ZDHHC3: variants seen among roughly 807,000 people sequenced by gnomAD.
The protein encoded by ZDHHC3 is palmitoyltransferase ZDHHC3.
In ZDHHC3, 9 loss-of-function variants were observed where a neutral mutation model predicts 30.6. The ratio of observed to expected loss-of-function variants is 0.29; its 90% CI spans 0.18 to 0.51. The LOEUF is 0.51. Ranked by LOEUF, ZDHHC3 falls within the 20% of genes least tolerant of loss-of-function variation. The pLI is 0.97. For missense variants in ZDHHC3, 246 were observed against 384.2 expected (o/e 0.64, Z 3.01); for synonymous variants, 136 against 140.2 (o/e 0.97, Z 0.21).
chr3:44,939,482 C>G (rs1156445385), intron 3 of ZDHHC3, among the ~76,000 whole-genome samples: 1 of 152,226 alleles, frequency 6.6e-6, no homozygotes, highest in Non-Finnish European at 1.5e-5. Context: ...AGACCAGCAC[C>G]TCTGGGTTTC....
In ZDHHC3 at chr3:44,926,389, C is replaced by T. The variant is rs916343287; in HGVS notation, c.*300G>A. 6.3e-6 allele frequency: 7 copies of T among 1,106,892 alleles called. No homozygotes were observed. The highest frequency in any genetic ancestry group is 7.7e-6 in the Non-Finnish European group (7 of 908,516). The allele number at this position is 1,106,892 out of a possible 1,614,324, so 68.6% of individuals were successfully genotyped here. A position where few individuals can be genotyped will look rare whatever the true frequency, so the allele number is the denominator to read the frequency against. ...GTAGAATGGGCACAGCGCGAGACAG[C>T]GCCCTCTACATTAGTCATGCCAGAC... On this transcript the variant is annotated 3_prime_UTR_variant, in exon 7 of 7. Coordinates refer to ENST00000424952, the MANE Select transcript of ZDHHC3 (RefSeq NM_001135179.2).
intron 1 of ZDHHC3, among the ~76,000 whole-genome samples, 157 bp downstream of exon 1, chr3:44,975,768 TCTCTCACA>T (rs1343928236): frequency 5.0e-4 from 71 of 140,868 alleles, no homozygotes; most frequent in East Asian, 4.1e-3. Flanking sequence ...TCTCTCTCTC[TCTCTCACA>T]CACACACACA....
intron 6 of ZDHHC3, 120 bp from the exon 7 acceptor site, chr3:44,926,967 T>C: frequency 1.5e-6 from 2 of 1,330,990 alleles, no homozygotes; most frequent in Non-Finnish European, 9.9e-7. Flanking sequence ...AACAAAGCTA[T>C]CTACCTAATA....
rs192181516 is a variant in ZDHHC3, at chr3:44,935,388, G to C, written c.432-1404C>G. On this transcript the variant is annotated intron_variant, in intron 3 of 6. Coordinates refer to ENST00000424952, the MANE Select transcript of ZDHHC3 (RefSeq NM_001135179.2). ...GGGTTCCAGCAATCCTTCCACCTCA[G>C]CCTCCCGAACAGCTGGGACCACAGG... Among the ~76,000 whole-genome samples, 485 of 152,228 alleles carry C rather than the reference G, an allele frequency of 3.2e-3. 1 individual carries two copies. The highest frequency in any genetic ancestry group is 4.4e-3 in the Admixed American group (68 of 15,286).
chr3:44,921,977 T>G lies in ZDHHC3; in HGVS notation c.*4712A>C. On this transcript the variant is annotated 3_prime_UTR_variant, in exon 7 of 7. Transcript: ENST00000424952. ...TTGGATCAGCTTCATCGGCTCCTCC[T>G]GTGGGCCCAACAGAGCGGGATCCCT... 2 of 985,428 alleles carry G rather than the reference T, an allele frequency of 2.0e-6. No homozygotes were observed. The highest frequency in any genetic ancestry group is 2.4e-6 in the Non-Finnish European group (2 of 829,914). The allele number at this position is 985,428 out of a possible 1,614,324, so 61.0% of individuals were successfully genotyped here. A position where few individuals can be genotyped will look rare whatever the true frequency, so the allele number is the denominator to read the frequency against.
In ZDHHC3 at chr3:44,923,262, G is replaced by C; in HGVS notation, c.*3427C>G. 1 of 883,948 alleles carries C rather than the reference G, an allele frequency of 1.1e-6. No individual in the cohort carries two copies. Among genetic ancestry groups the C allele is most frequent in the African/African-American group, 1.8e-5 (1 of 55,094 alleles). The allele number at this position is 883,948 out of a possible 1,614,324, so 54.8% of individuals were successfully genotyped here. On this transcript the variant is annotated 3_prime_UTR_variant, in exon 7 of 7. Coordinates refer to ENST00000424952, the MANE Select transcript of ZDHHC3 (RefSeq NM_001135179.2). The stretch of plus-strand genomic sequence containing the variant: ...AGCTAATTTTTTTATATTTTTAGTA[G>C]AGACAGGGTTTCACCGTGTTAGCCA...
chr3:44,936,479 A>G (rs574813726), intron 3 of ZDHHC3, among the ~76,000 whole-genome samples: 1 of 152,352 alleles, frequency 6.6e-6, no homozygotes, highest in South Asian at 2.1e-4. Context: ...CAGAACGACC[A>G]TTCAACCCAG....
chr3:44,931,403 C>T (rs1471048863), intron 5 of ZDHHC3, among the ~76,000 whole-genome samples: 1 of 152,136 alleles, frequency 6.6e-6, no homozygotes, highest in East Asian at 1.9e-4. Flanking sequence ...CCAGGAATTA[C>T]CAATGGAGTT....
Position 44,920,205 on chromosome 3 carries a change from A to G in ZDHHC3, c.*6484T>C, listed in dbSNP as rs1700494770. On this transcript the variant is annotated 3_prime_UTR_variant, in exon 7 of 7. Coordinates refer to ENST00000424952, the MANE Select transcript of ZDHHC3 (RefSeq NM_001135179.2). The stretch of plus-strand genomic sequence containing the variant: ...GTCTAAAGGGACCTTCATGTGGGTC[A>G]TGAGCATGTGATGCCATGCTGCTTC... 1 of 1,289,974 alleles carries G rather than the reference A, an allele frequency of 7.8e-7. No homozygotes were observed. The highest frequency in any genetic ancestry group is 2.1e-4 in the Middle Eastern group (1 of 4,698). 79.9% of individuals were successfully genotyped at this position (1,289,974 alleles called of 1,614,324 possible).
At position 44,922,832 on chromosome 3, in the gene ZDHHC3, C is replaced by T; in HGVS notation, c.*3857G>A. 7 of 985,300 alleles carry T rather than the reference C, an allele frequency of 7.1e-6. No individual in the cohort carries two copies. Among genetic ancestry groups the T allele is most frequent in the Non-Finnish European group, 8.4e-6 (7 of 829,908 alleles). The allele number at this position is 985,300 out of a possible 1,614,324, so 61.0% of individuals were successfully genotyped here. A position where few individuals can be genotyped will look rare whatever the true frequency, so the allele number is the denominator to read the frequency against. Reference sequence around the variant, plus strand: ...ATGTTGACGTTGCTGGTCTGGCAACCTCAAGAACACCTTTGAGGAGGATTC... The same window carrying T: ...ATGTTGACGTTGCTGGTCTGGCAACTTCAAGAACACCTTTGAGGAGGATTC... On this transcript the variant is annotated 3_prime_UTR_variant, in exon 7 of 7. Coordinates refer to ENST00000424952, the MANE Select transcript of ZDHHC3 (RefSeq NM_001135179.2).
chr3:44,934,125 G>T (rs891650586), intron 3 of ZDHHC3, 141 bp from the exon 4 acceptor site: 4 of 786,468 alleles, frequency 5.1e-6, no homozygotes, highest in Non-Finnish European at 6.5e-6. Flanking sequence ...CTGGGTGTGT[G>T]TCACGTGGGG....
In ZDHHC3 at chr3:44,937,741, TGCCATCCTGTGTGG is replaced by T. The variant is rs1389926433; in HGVS notation, c.432-3771_432-3758del. The T allele has an allele frequency of 4.8e-5, 14 of 288,998 alleles. No homozygotes were observed. The Admixed American group carries it at 5.5e-4, about 11-fold the overall frequency. The allele number at this position is 288,998 out of a possible 1,614,324, so 17.9% of individuals were successfully genotyped here. ...TGAGGAACACCAGGAGTGAAGTCAGTGCCATCCTGTGTGGGCCCCCAAGATTGCACCCGCCGCAT... is the reference window on the plus strand; with the variant it reads ...TGAGGAACACCAGGAGTGAAGTCAGTGCCCCCAAGATTGCACCCGCCGCAT... On this transcript the variant is annotated intron_variant, in intron 3 of 6. Transcript: ENST00000424952.
chr3:44,958,751 C>A, intron 2 of ZDHHC3: 1 of 1,312,402 alleles, frequency 7.6e-7, no homozygotes, highest in South Asian at 1.3e-5. Flanking sequence ...CTGGGAAGCC[C>A]AATCCTGACC....
Position 44,921,679 on chromosome 3 carries a change from C to T in ZDHHC3, c.*5010G>A, listed in dbSNP as rs1206805553. 2.1e-6 allele frequency: 2 copies of T among 970,076 alleles called. No individual in the cohort carries two copies. Among genetic ancestry groups the T allele is most frequent in the African/African-American group, 3.5e-5 (2 of 56,886 alleles). The allele number at this position is 970,076 out of a possible 1,614,324, so 60.1% of individuals were successfully genotyped here. ...CACCCTCATTTAATCCTTCCATTAA[C>T]TTTGTGATTTAGATTATCATTCCCG... On this transcript the variant is annotated 3_prime_UTR_variant, in exon 7 of 7. Coordinates refer to ENST00000424952, the MANE Select transcript of ZDHHC3 (RefSeq NM_001135179.2).
intron 1 of ZDHHC3, among the ~76,000 whole-genome samples, chr3:44,967,598 TC>T (rs749970536): frequency 6.6e-5 from 10 of 152,104 alleles, no homozygotes; most frequent in Non-Finnish European, 1.2e-4. Context: ...ACATTGGAAA[TC>T]CGTAGAAGAC....
chr3:44,925,463 C>G lies in ZDHHC3; in HGVS notation c.*1226G>C. 1 of 985,462 alleles carries G rather than the reference C, an allele frequency of 1.0e-6. No individual in the cohort carries two copies. The highest frequency in any genetic ancestry group is 1.2e-6 in the Non-Finnish European group (1 of 829,942). 61.0% of individuals were successfully genotyped at this position (985,462 alleles called of 1,614,324 possible). On this transcript the variant is annotated 3_prime_UTR_variant, in exon 7 of 7. Transcript: ENST00000424952. ...GGAGGGCACTCCCTACCTCCTTCACCTCTATCCACCATCACCACCTCCTTC... is the reference window on the plus strand; with the variant it reads ...GGAGGGCACTCCCTACCTCCTTCACGTCTATCCACCATCACCACCTCCTTC...
rs1336392618 is a variant in ZDHHC3, at chr3:44,920,304, T to C, written c.*6385A>G. On this transcript the variant is annotated 3_prime_UTR_variant, in exon 7 of 7. Transcript: ENST00000424952. ...CAGCTGAGATGGTTTGCTTTGGGCATTCTGCATTCTCTTCCTGGGTGATCA... is the reference window on the plus strand; with the variant it reads ...CAGCTGAGATGGTTTGCTTTGGGCACTCTGCATTCTCTTCCTGGGTGATCA... 2 of 1,289,808 alleles carry C rather than the reference T, an allele frequency of 1.6e-6. No individual in the cohort carries two copies. The highest frequency in any genetic ancestry group is 2.0e-6 in the Non-Finnish European group (2 of 988,902). The allele number at this position is 1,289,808 out of a possible 1,614,324, so 79.9% of individuals were successfully genotyped here.
chr3:44,964,270 T>C lies in ZDHHC3; in HGVS notation c.-24-4810A>G, dbSNP rs151267533. ...CCCCAACAACCATAAGTGAAATAAA[T>C]AGACTTTTTCATGGCAAGGACTTCT... On this transcript the variant is annotated intron_variant, in intron 1 of 6. Transcript: ENST00000424952. Among the ~76,000 whole-genome samples the C allele has an allele frequency of 3.3e-4, 50 of 152,214 alleles. No individual in the cohort carries two copies. The East Asian group carries it at 7.5e-3, about 23-fold the overall frequency.
chr3:44,940,390 A>G (rs557464610), intron 3 of ZDHHC3, among the ~76,000 whole-genome samples: 1 of 152,274 alleles, frequency 6.6e-6, no homozygotes, highest in Admixed American at 6.5e-5. Context: ...GGATGGCCTC[A>G]ACACCTGAGG....
Sources: gnomAD v4.1 joint callset for allele counts (sites outside exome capture counted in the v4.1 genomes callset) on GRCh38, gnomAD v4.1.1 for gene constraint, MANE v1.5 for transcripts, NCBI Gene and HGNC (gene_info 2026-07-23, HGNC 2026-07-21) for gene names.